CDH18: variants seen among roughly 807,000 people sequenced by gnomAD.
The protein encoded by CDH18 is cadherin 18, also known as cadherin-18.
In CDH18, 31 loss-of-function variants were observed where a neutral mutation model predicts 67.9. That is an observed-to-expected ratio of 0.46 (90% confidence interval 0.34 to 0.62). The LOEUF is 0.62. Among genes scored for constraint, CDH18 ranks in the 20% least tolerant of loss-of-function variants. CDH18 has a pLI of 0.01. For synonymous variants in CDH18, 362 were observed against 347.2 expected, an observed-to-expected ratio of 1.04 and a Z score of -0.48; for missense variants, 890 against 975.5, an observed-to-expected ratio of 0.91 and a Z score of 1.17.
At chr5:20,149,272 T>C (rs1561831152) in intron 2 of CDH18, among the ~76,000 whole-genome samples, 1 of 152,202 alleles carries the variant, frequency 6.6e-6, no homozygotes, top group Admixed American at 6.5e-5. Flanking sequence ...AATACAGTTC[T>C]CAATGGGGGT....
rs1736183798 is a variant in CDH18 at position 20,304,006 on chromosome 5, C to T, written c.-579-48501G>A. ...TAAGTCGAAGGGATGGTGGAAGAAG[C>T]AGCAACTTGGCAATAATTCCGCAGC... On this transcript the variant is annotated intron_variant, in intron 1 of 14. Coordinates refer to the CDH18 transcript ENST00000507958. 4 of 1,108,202 alleles carry T rather than the reference C, an allele frequency of 3.6e-6. No individual in the cohort carries two copies. The Admixed American group carries it at 5.1e-5, about 14-fold the overall frequency. 68.6% of individuals were successfully genotyped at this position (1,108,202 alleles called of 1,614,324 possible). A position where few individuals can be genotyped will look rare whatever the true frequency, so the allele number is the denominator to read the frequency against.
At chr5:19,561,780 C>G (rs1440199478) in intron 8 of CDH18, among the ~76,000 whole-genome samples, 1 of 151,998 alleles carries the variant, frequency 6.6e-6, no homozygotes, top group Non-Finnish European at 1.5e-5. Context: ...GCTTTTGGAC[C>G]ATTCAGCCTT....
chr5:19,667,207 A>G (rs1420089575), intron 5 of CDH18, among the ~76,000 whole-genome samples: 1 of 151,742 alleles, frequency 6.6e-6, no homozygotes, highest in African/African-American at 2.4e-5. Context: ...AATAAATACT[A>G]TGATGTATAT....
chr5:19,665,035 A>AT lies in CDH18; in HGVS notation c.644-52435dup, dbSNP rs1434953601. On this transcript the variant is annotated intron_variant, in intron 5 of 12. Transcript: ENST00000382275. ...AATTATGATAAGTAATAATTGGTAG[A>AT]TTTTTCCAGTACAATTGTCAACATA... Among the ~76,000 whole-genome samples, 13 of 152,084 alleles carry AT rather than the reference A, an allele frequency of 8.5e-5. No individual in the cohort carries two copies. In the South Asian group the frequency reaches 2.7e-3, roughly 32 times the overall value.
intron 2 of CDH18, among the ~76,000 whole-genome samples, chr5:20,177,017 C>T (rs1346390201): frequency 6.6e-6 from 1 of 151,876 alleles, no homozygotes; most frequent in Non-Finnish European, 1.5e-5. Context: ...GAAAAATAAG[C>T]TTATTTTTGT....
At chr5:20,334,341 G>T (rs1739506686) in intron 1 of CDH18, among the ~76,000 whole-genome samples, 1 of 150,990 alleles carries the variant, frequency 6.6e-6, no homozygotes, top group Admixed American at 6.6e-5. Context: ...GTTTCACCGT[G>T]TTAGCCAGGA....
intron 2 of CDH18, among the ~76,000 whole-genome samples, chr5:20,120,794 G>C (rs531430196): frequency 6.6e-6 from 1 of 152,272 alleles, no homozygotes; most frequent in East Asian, 1.9e-4. Context: ...CAAAGCATGA[G>C]AGCATGTTTC....
intron 1 of CDH18, among the ~76,000 whole-genome samples, chr5:20,550,732 C>T (rs1456286822): frequency 6.6e-6 from 1 of 152,072 alleles, no homozygotes; most frequent in Non-Finnish European, 1.5e-5. Context: ...CTGTTTTAGT[C>T]CATTTAGTGT....
At chr5:19,861,150 T>G (rs1346280457) in intron 2 of CDH18, among the ~76,000 whole-genome samples, 1 of 152,220 alleles carries the variant, frequency 6.6e-6, no homozygotes, top group African/African-American at 2.4e-5. Context: ...TCTCAGTGCC[T>G]CATGCATTTC....
intron 1 of CDH18, among the ~76,000 whole-genome samples, chr5:20,434,066 T>C (rs1394010965): frequency 1.3e-5 from 2 of 152,090 alleles, no homozygotes; most frequent in African/African-American, 4.8e-5. Context: ...GCTGGCATAT[T>C]CCCAGTACCT....
intron 2 of CDH18, among the ~76,000 whole-genome samples, chr5:20,223,692 T>G (rs1270814497): frequency 4.6e-5 from 7 of 152,154 alleles, no homozygotes; most frequent in Admixed American, 1.3e-4. Context: ...GAGTCTTTCC[T>G]GTGCTGTTCT....
At chr5:19,784,684 A>G (rs1016972963) in intron 3 of CDH18, among the ~76,000 whole-genome samples, 2 of 152,164 alleles carry the variant, frequency 1.3e-5, no homozygotes. Context: ...TTCCACATTT[A>G]AAACCTAGCA....
intron 8 of CDH18, among the ~76,000 whole-genome samples, chr5:19,554,564 A>AT (rs11418121): frequency 0.1 from 15,032 of 147,936 alleles, 1,043 homozygotes; most frequent in African/African-American, 0.2. Context: ...AAAAAAAACA[A>AT]TTTTTTTTTT....
chr5:19,508,955 CCTT>C (rs1256694031), intron 10 of CDH18, among the ~76,000 whole-genome samples: 1 of 150,882 alleles, frequency 6.6e-6, no homozygotes, highest in East Asian at 2.0e-4. Flanking sequence ...CTCACTGTAA[CCTT>C]CACCTCCTGG....
chr5:19,496,736 T>A (rs143385751), intron 11 of CDH18, among the ~76,000 whole-genome samples: 1 of 144,328 alleles, frequency 6.9e-6, no homozygotes, highest in African/African-American at 2.6e-5. Flanking sequence ...CGCTTGAACC[T>A]GAGAGGCGGA....
At chr5:19,694,806 C>T (rs1437161015) in intron 5 of CDH18, among the ~76,000 whole-genome samples, 2 of 149,566 alleles carry the variant, frequency 1.3e-5, no homozygotes, top group Non-Finnish European at 2.9e-5. Flanking sequence ...GACAACTGTG[C>T]ATGGTGGATC....
intron 2 of CDH18, among the ~76,000 whole-genome samples, chr5:20,025,737 A>C (rs1738838179): frequency 6.6e-6 from 1 of 152,186 alleles, no homozygotes; most frequent in Non-Finnish European, 1.5e-5. Context: ...TCTTGTCCAG[A>C]GCCTCATTTT....
At chr5:20,022,601 T>G (rs2150435921) in intron 2 of CDH18, among the ~76,000 whole-genome samples, 1 of 152,336 alleles carries the variant, frequency 6.6e-6, no homozygotes, top group South Asian at 2.1e-4. Context: ...CATTTCTAAA[T>G]ATTTTATATA....
chr5:19,678,889 T>C (rs923617282), intron 5 of CDH18, among the ~76,000 whole-genome samples: 3 of 151,914 alleles, frequency 2.0e-5, no homozygotes, highest in African/African-American at 7.2e-5. Context: ...GTTGTTACCA[T>C]TCCTACTGAA....
Sources: allele counts gnomAD v4.1 joint callset (sites outside exome capture counted in the v4.1 genomes callset), GRCh38; gene constraint gnomAD v4.1.1; transcripts MANE v1.5; gene names NCBI Gene and HGNC (gene_info 2026-07-23, HGNC 2026-07-21).